Variants in DKK2 observed in about 807,000 individuals in gnomAD.
DKK2 encodes dickkopf-related protein 2.
DKK2 carries 11 observed loss-of-function variants against 28.1 expected under a neutral mutation model. The observed-to-expected ratio is 0.39, with a 90% CI of 0.25 to 0.65. DKK2 has a LOEUF of 0.65. DKK2 is among the 30% of genes least tolerant of loss of function. The pLI, the probability that DKK2 is intolerant of heterozygous loss-of-function variation, is 0.47. For synonymous variants in DKK2, 135 were observed against 126.5 expected, an observed-to-expected ratio of 1.07 and a Z score of -0.45; for missense variants, 326 against 335.5, an observed-to-expected ratio of 0.97 and a Z score of 0.22.
intron 1 of DKK2, among the ~76,000 whole-genome samples, chr4:106,964,768 T>C (rs1424830580): frequency 2.0e-5 from 3 of 152,104 alleles, no homozygotes; most frequent in South Asian, 4.1e-4. Context: ...CATAAGGACA[T>C]ACAATGGGAT....
intron 1 of DKK2, among the ~76,000 whole-genome samples, chr4:106,982,757 A>G (rs1032501488): frequency 6.6e-6 from 1 of 152,042 alleles, no homozygotes; most frequent in African/African-American, 2.4e-5. Context: ...ACAAAATTTC[A>G]AGACAGGCAT....
At chr4:106,933,154 T>C (rs1724526810) in intron 1 of DKK2, among the ~76,000 whole-genome samples, 1 of 152,140 alleles carries the variant, frequency 6.6e-6, no homozygotes, top group South Asian at 2.1e-4. Flanking sequence ...ACAAATACTG[T>C]CCTGGTGATG....
chr4:106,933,990 GTGTATATATGTA>G (rs1211820025), intron 1 of DKK2, among the ~76,000 whole-genome samples: 1 of 148,988 alleles, frequency 6.7e-6, no homozygotes. Flanking sequence ...GTGTGTGTAT[GTGTATATATGTA>G]TGTATATATA....
intron 1 of DKK2, among the ~76,000 whole-genome samples, chr4:106,948,944 G>A (rs895318741): frequency 1.3e-5 from 2 of 152,170 alleles, no homozygotes; most frequent in South Asian, 2.1e-4. Flanking sequence ...CCACCTTAAT[G>A]TATTGAAGTG....
At chr4:106,937,790 A>G (rs1724620465) in intron 1 of DKK2, among the ~76,000 whole-genome samples, 1 of 151,114 alleles carries the variant, frequency 6.6e-6, no homozygotes, top group Non-Finnish European at 1.5e-5. Context: ...GTGCAATCAA[A>G]CTAGAACTCA....
At chr4:106,982,780 C>T in intron 1 of DKK2, among the ~76,000 whole-genome samples, 1 of 150,518 alleles carries the variant, frequency 6.6e-6, no homozygotes, top group South Asian at 2.1e-4. Context: ...TGAAATGCAC[C>T]TGTAATCTCA....
At chr4:107,029,158 CTT>C (rs907258354) in intron 1 of DKK2, among the ~76,000 whole-genome samples, 12 of 152,054 alleles carry the variant, frequency 7.9e-5, no homozygotes, top group African/African-American at 1.9e-4. Context: ...TTTGTTGTGA[CTT>C]TTAATGAAAT....
At chr4:107,002,313 TG>T (rs1723371351) in intron 1 of DKK2, among the ~76,000 whole-genome samples, 1 of 152,218 alleles carries the variant, frequency 6.6e-6, no homozygotes, top group Non-Finnish European at 1.5e-5. Context: ...ATTGATGATG[TG>T]TGGCTATATA....
At chr4:106,982,521 T>G (rs919202206) in intron 1 of DKK2, among the ~76,000 whole-genome samples, 1 of 152,204 alleles carries the variant, frequency 6.6e-6, no homozygotes, top group Non-Finnish European at 1.5e-5. Context: ...ATCTTTCTTT[T>G]GCTCATTAAC....
intron 1 of DKK2, among the ~76,000 whole-genome samples, chr4:107,001,602 G>C (rs1399826824): frequency 2.6e-5 from 4 of 152,092 alleles, no homozygotes; most frequent in Non-Finnish European, 4.4e-5. Flanking sequence ...AAGATGCTTG[G>C]TGCTCAGTAA....
chr4:107,018,165 T>G lies in DKK2; in HGVS notation c.222+17205A>C, dbSNP rs71601037. ...TATGTTATCACCTTAGCTGGAGCTG[T>G]TTTTGTTAAGTCAGTATAACTGTTG... On this transcript the variant is annotated intron_variant, in intron 1 of 3. Transcript: ENST00000285311. Among the ~76,000 whole-genome samples the G allele has an allele frequency of 3.8e-3, 581 of 152,172 alleles. 4 individuals are homozygous for G. Among genetic ancestry groups the G allele is most frequent in the Non-Finnish European group, 6.8e-3 (460 of 67,970 alleles).
chr4:106,933,596 G>A (rs573488131), intron 1 of DKK2, among the ~76,000 whole-genome samples: 23 of 152,160 alleles, frequency 1.5e-4, no homozygotes, highest in East Asian at 3.9e-4. Flanking sequence ...CTGGCAATGC[G>A]CAAACTTTGC....
chr4:106,964,681 T>C, intron 1 of DKK2, among the ~76,000 whole-genome samples: 1 of 152,134 alleles, frequency 6.6e-6, no homozygotes, highest in East Asian at 1.9e-4. Flanking sequence ...GTGGTTAACA[T>C]CTATAATCAG....
intron 1 of DKK2, among the ~76,000 whole-genome samples, chr4:107,022,470 TA>T (rs1457606425): frequency 6.6e-6 from 1 of 152,146 alleles, no homozygotes; most frequent in Non-Finnish European, 1.5e-5. Context: ...AGGTTAAGTA[TA>T]CAGACTTAAG....
At chr4:106,952,879 C>T (rs1238506399) in intron 1 of DKK2, among the ~76,000 whole-genome samples, 1 of 152,144 alleles carries the variant, frequency 6.6e-6, no homozygotes, top group Non-Finnish European at 1.5e-5. Context: ...TGTCAACAGT[C>T]TGTTTTTGTT....
At chr4:106,987,289 T>G (rs778671750) in intron 1 of DKK2, among the ~76,000 whole-genome samples, 2 of 152,216 alleles carry the variant, frequency 1.3e-5, no homozygotes, top group Non-Finnish European at 2.9e-5. Flanking sequence ...CTAATTATAA[T>G]TTTCAAGAAT....
chr4:107,001,293 C>A (rs1177675073), intron 1 of DKK2, among the ~76,000 whole-genome samples: 1 of 152,154 alleles, frequency 6.6e-6, no homozygotes, highest in Non-Finnish European at 1.5e-5. Context: ...GTTCTGCCAA[C>A]ACCTTGATTT....
chr4:107,023,251 T>C (rs879460067), intron 1 of DKK2, among the ~76,000 whole-genome samples: 1 of 152,128 alleles, frequency 6.6e-6, no homozygotes, highest in African/African-American at 2.4e-5. Flanking sequence ...AGTCAAAGAT[T>C]ACACTCAGAG....
intron 1 of DKK2, among the ~76,000 whole-genome samples, chr4:106,933,248 C>A (rs927811098): frequency 2.0e-5 from 3 of 152,160 alleles, no homozygotes; most frequent in Admixed American, 6.5e-5. Context: ...ATCATACTGA[C>A]AATGCCTGGT....
Sources: allele counts gnomAD v4.1 joint callset (sites outside exome capture counted in the v4.1 genomes callset), GRCh38; gene constraint gnomAD v4.1.1; transcripts MANE v1.5; gene names NCBI Gene and HGNC (gene_info 2026-07-23, HGNC 2026-07-21).